Variants in DNAH14 observed in about 807,000 individuals in gnomAD.
DNAH14 encodes axonemal beta dynein heavy chain 14.
DNAH14 carries 478 observed loss-of-function variants against 520.9 expected under a neutral mutation model. That is an observed-to-expected ratio of 0.92 (90% CI 0.85 to 0.99). DNAH14 has a LOEUF of 0.99. Among genes scored for constraint, DNAH14 ranks in the 50% least tolerant of loss-of-function variants. DNAH14 has a pLI of 0.00. For synonymous variants in DNAH14, 1,581 were observed against 1,757.2 expected (o/e 0.90, Z 2.51); for missense variants, 4,831 against 5,234.5 (o/e 0.92, Z 2.38).
intron 38 of DNAH14, among the ~76,000 whole-genome samples, chr1:225,193,548 C>A (rs924388362): frequency 6.6e-6 from 1 of 151,852 alleles, no homozygotes; most frequent in Non-Finnish European, 1.5e-5. Flanking sequence ...AATATTAAAA[C>A]TAAATAGGTT....
intron 8 of DNAH14, among the ~76,000 whole-genome samples, chr1:224,979,238 G>A (rs2062081356): frequency 6.6e-6 from 1 of 152,166 alleles, no homozygotes; most frequent in Non-Finnish European, 1.5e-5. Flanking sequence ...AAGAGGGAAG[G>A]AAACAGTCTT....
At chr1:225,015,252 G>A (rs1172550196) in intron 10 of DNAH14, among the ~76,000 whole-genome samples, 3 of 152,146 alleles carry the variant, frequency 2.0e-5, no homozygotes, top group Non-Finnish European at 4.4e-5. Flanking sequence ...CACTCAGCCA[G>A]TCCATGTCTT....
At chr1:225,211,435 G>A (rs2088395316) in intron 41 of DNAH14, among the ~76,000 whole-genome samples, 1 of 151,636 alleles carries the variant, frequency 6.6e-6, no homozygotes, top group Non-Finnish European at 1.5e-5. Flanking sequence ...ATGAAATAAT[G>A]CATTAGGATT....
chr1:225,152,668 T>C (rs2080613457), intron 32 of DNAH14, 29 bp from the exon 33 acceptor site: 2 of 1,504,230 alleles, frequency 1.3e-6, no homozygotes, highest in Admixed American at 5.1e-5. Flanking sequence ...AGTGGTGTTT[T>C]TATTGTTTGT....
At chr1:225,004,754 G>T (rs2064034226) in intron 9 of DNAH14, among the ~76,000 whole-genome samples, 1 of 152,162 alleles carries the variant, frequency 6.6e-6, no homozygotes, top group Non-Finnish European at 1.5e-5. Flanking sequence ...GTGGCCAGTT[G>T]TGCATTAGAA....
chr1:225,168,127 G>T (rs993370872), intron 36 of DNAH14, 99 bp downstream of exon 36: 33 of 722,146 alleles, frequency 4.6e-5, no homozygotes, highest in Admixed American at 7.0e-5. Context: ...GCTGTTACAG[G>T]TATAATTTTT....
chr1:225,303,253 G>A lies in DNAH14; in HGVS notation c.8729G>A (p.Cys2910Tyr). Residue 2910 changes from cysteine (C) to tyrosine (Y), a missense_variant, in exon 57 of 86, where the codon TGC becomes TAC. Transcript: ENST00000682510. The stretch of plus-strand genomic sequence containing the variant: ...GTGTATCCTTCTATGATTAGCTCCT[G>A]CACGATCGATTGGTATGAGAGGTGG... The part of the protein sequence containing the change: ...CRVYPSMISS[C>Y]TIDWYERWPE... 6.4e-7 allele frequency: 1 copy of A among 1,551,476 alleles called. No homozygotes were observed. Among genetic ancestry groups the A allele is most frequent in the South Asian group, 1.2e-5 (1 of 84,012 alleles).
intron 33 of DNAH14, among the ~76,000 whole-genome samples, chr1:225,153,128 T>A (rs940409795): frequency 7.2e-5 from 11 of 152,274 alleles, no homozygotes; most frequent in Admixed American, 2.0e-4. Context: ...GAAAGAGTGA[T>A]TGAGCATTCG....
At position 225,152,773 on chromosome 1, in the gene DNAH14, C is replaced by T. The variant is rs1457043285; in HGVS notation, c.5086C>T (p.Gln1696Ter). ...RPVAMMVPHY[Q>*]MIAEIILFSF... is the part of the protein sequence containing the mutation. The stretch of plus-strand genomic sequence containing the variant: ...AGTGGCAATGATGGTGCCCCATTAT[C>T]AAATGATTGCTGAAATAATATTGTT... Residue 1696 changes from glutamine (Q) to a stop codon, truncating the protein, a stop_gained, in exon 33 of 86, where the codon CAA becomes TAA. Transcript: ENST00000682510. LOFTEE classifies it high-confidence loss of function. The T allele has an allele frequency of 6.4e-7, 1 of 1,551,386 alleles. No homozygotes were observed. The highest frequency in any genetic ancestry group is 2.4e-5 in the East Asian group (1 of 40,906).
chr1:224,975,965 A>G (rs4653407), intron 8 of DNAH14, among the ~76,000 whole-genome samples: 8,225 of 149,952 alleles, frequency 0.055, 339 homozygotes, highest in Admixed American at 0.077. Context: ...CTTTATTTCT[A>G]CCTTCATTTC....
In DNAH14 at chr1:225,366,549, T is replaced by C. The variant is rs575733253; in HGVS notation, c.12091-1256T>C. On this transcript the variant is annotated intron_variant, in intron 76 of 85. Transcript: ENST00000682510. Reference sequence around the variant, plus strand: ...GTCGGGAAACAGTGCTCGATAAATATTTTCTCATTTCTCCACAATTAGGGC... The same window carrying C: ...GTCGGGAAACAGTGCTCGATAAATACTTTCTCATTTCTCCACAATTAGGGC... Among the ~76,000 whole-genome samples the C allele has an allele frequency of 3.3e-4, 50 of 152,274 alleles. 1 individual carries two copies. The South Asian group carries it at 9.9e-3, about 30-fold the overall frequency.
chr1:225,310,608 C>T (rs948234392), intron 60 of DNAH14, among the ~76,000 whole-genome samples: 2 of 152,138 alleles, frequency 1.3e-5, no homozygotes, highest in Admixed American at 1.3e-4. Flanking sequence ...AGACCCTCAC[C>T]CCCCGACAGG....
At chr1:225,366,997 T>A (rs533004615) in intron 76 of DNAH14, among the ~76,000 whole-genome samples, 1 of 102,670 alleles carries the variant, frequency 9.7e-6, no homozygotes, top group African/African-American at 4.0e-5. Flanking sequence ...GATCCAAAAG[T>A]CTCATGTTCA....
At chr1:225,299,332 A>G (rs1179357620) in intron 55 of DNAH14, among the ~76,000 whole-genome samples, 1 of 152,190 alleles carries the variant, frequency 6.6e-6, no homozygotes, top group Non-Finnish European at 1.5e-5. Context: ...CCAGACATAT[A>G]TAGTTATTGA....
At chr1:225,093,964 T>C (rs1321094925) in intron 21 of DNAH14, among the ~76,000 whole-genome samples, 1 of 151,980 alleles carries the variant, frequency 6.6e-6, no homozygotes, top group Non-Finnish European at 1.5e-5. Flanking sequence ...AAAGCATTGC[T>C]CAAAGAAATC....
At chr1:225,267,494 C>A (rs1167743557) in intron 49 of DNAH14, among the ~76,000 whole-genome samples, 1 of 151,930 alleles carries the variant, frequency 6.6e-6, no homozygotes, top group Non-Finnish European at 1.5e-5. Flanking sequence ...AGGGTTTCAC[C>A]ATGTTAGCCA....
chr1:224,950,198 T>C (rs2060084691), intron 1 of DNAH14, among the ~76,000 whole-genome samples: 1 of 152,194 alleles, frequency 6.6e-6, no homozygotes, highest in Non-Finnish European at 1.5e-5. Flanking sequence ...AGTCCCTTCG[T>C]TGTTTTGACT....
At chr1:225,271,795 G>A (rs995128255) in intron 50 of DNAH14, 111 bp from the exon 51 acceptor site, 102 of 807,674 alleles carry the variant, frequency 1.3e-4, no homozygotes, top group Non-Finnish European at 1.8e-4. Context: ...AACATTTAAT[G>A]AAATTAATCC....
At chr1:225,154,742 A>G (rs1364919107) in intron 34 of DNAH14, among the ~76,000 whole-genome samples, 1 of 152,114 alleles carries the variant, frequency 6.6e-6, no homozygotes, top group Non-Finnish European at 1.5e-5. Context: ...TACTTGAAGA[A>G]ACATATGTCC....
Sources: allele counts gnomAD v4.1 joint callset (sites outside exome capture counted in the v4.1 genomes callset), GRCh38; gene constraint gnomAD v4.1.1; transcripts MANE v1.5; gene names NCBI Gene and HGNC (gene_info 2026-07-23, HGNC 2026-07-21).